The following CADM1 variants were observed in gnomAD, a reference collection of about 807,000 sequenced individuals.
CADM1 encodes the protein TSLC-1.
In CADM1, 15 loss-of-function variants were observed where a neutral mutation model predicts 53.1. The ratio of observed to expected loss-of-function variants is 0.28; its 90% CI spans 0.19 to 0.44. The LOEUF is 0.44. CADM1 is among the 20% of genes least tolerant of loss of function. The pLI is 1.00. For missense variants in CADM1, 434 were observed against 611.3 expected, an observed-to-expected ratio of 0.71 and a Z score of 3.06; for synonymous variants, 281 against 243.0, an observed-to-expected ratio of 1.16 and a Z score of -1.45.
chr11:115,448,032 C>G (rs746883631), intron 1 of CADM1, among the ~76,000 whole-genome samples: 1 of 152,126 alleles, frequency 6.6e-6, no homozygotes, highest in African/African-American at 2.4e-5. Flanking sequence ...TTACAGTTAA[C>G]GAGTCACAGT....
intron 10 of CADM1, among the ~76,000 whole-genome samples, chr11:115,189,516 A>T (rs1939739252): frequency 6.6e-6 from 1 of 151,512 alleles, no homozygotes; most frequent in African/African-American, 2.4e-5. Flanking sequence ...TATTACCAGA[A>T]ATGCAAGCAG....
intron 8 of CADM1, among the ~76,000 whole-genome samples, chr11:115,206,352 C>T (rs535140967): frequency 6.6e-6 from 1 of 152,328 alleles, no homozygotes; most frequent in South Asian, 2.1e-4. Context: ...TCCAGACCTG[C>T]TCCGTGTAGG....
chr11:115,359,799 G>A (rs917049426), intron 1 of CADM1, among the ~76,000 whole-genome samples: 1 of 152,110 alleles, frequency 6.6e-6, no homozygotes, highest in African/African-American at 2.4e-5. Flanking sequence ...GCTTTGTACT[G>A]TTCCAAATAC....
At chr11:115,233,575 T>C (rs905293335) in intron 3 of CADM1, among the ~76,000 whole-genome samples, 2 of 152,196 alleles carry the variant, frequency 1.3e-5, no homozygotes, top group East Asian at 1.9e-4. Context: ...AGGAATATTT[T>C]TTACATGCTA....
chr11:115,198,413 T>C lies in CADM1; in HGVS notation c.1104A>G (p.Ala368=). The change falls in exon 9 of 12, where the codon GCA becomes GCG. Residue 368 remains alanine, a synonymous_variant. Coordinates refer to ENST00000331581, the MANE Select transcript of CADM1 (RefSeq NM_001301043.2). The part of the protein sequence containing the change: ...ITDTTATTEP[A]VHGLTQLPNS... ...CAGTAATGTGATACCAACCGTGAAC[T>C]GCTGGTTCTGTCGTCGCCGTTGTGT... 6.3e-7 allele frequency: 1 copy of C among 1,594,968 alleles called. No individual in the cohort carries two copies. Among genetic ancestry groups the C allele is most frequent in the Non-Finnish European group, 8.5e-7 (1 of 1,178,120 alleles).
chr11:115,249,997 C>T (rs796145038), intron 1 of CADM1, among the ~76,000 whole-genome samples: 43 of 152,250 alleles, frequency 2.8e-4, no homozygotes, highest in African/African-American at 9.9e-4. Flanking sequence ...CTCCGCCTCC[C>T]GGGTTCACAC....
At chr11:115,315,616 C>T (rs1944644031) in intron 1 of CADM1, among the ~76,000 whole-genome samples, 1 of 151,608 alleles carries the variant, frequency 6.6e-6, no homozygotes, top group Non-Finnish European at 1.5e-5. Flanking sequence ...TTGACAGGTG[C>T]CTGTATCGTT....
At chr11:115,219,307 C>T (rs1201105715) in intron 5 of CADM1, among the ~76,000 whole-genome samples, 1 of 152,142 alleles carries the variant, frequency 6.6e-6, no homozygotes, top group African/African-American at 2.4e-5. Context: ...ACAAGGAAGT[C>T]CTCACTAGAG....
chr11:115,424,585 T>C (rs1961719), intron 1 of CADM1, among the ~76,000 whole-genome samples: 1 of 152,168 alleles, frequency 6.6e-6, no homozygotes, highest in African/African-American at 2.4e-5. Context: ...TGGAGTGCAG[T>C]GGCGAGATCT....
chr11:115,482,750 T>C (rs962007325), intron 1 of CADM1, among the ~76,000 whole-genome samples: 2 of 152,200 alleles, frequency 1.3e-5, no homozygotes, highest in African/African-American at 2.4e-5. Context: ...CTGGAAGATA[T>C]ACGCCAAGAA....
intron 1 of CADM1, among the ~76,000 whole-genome samples, chr11:115,458,535 A>C (rs1406455909): frequency 6.9e-6 from 1 of 145,028 alleles, no homozygotes; most frequent in African/African-American, 2.5e-5. Flanking sequence ...TTATTATTAC[A>C]TTATACCCTG....
rs771908435 is a variant in CADM1 at position 115,176,142 on chromosome 11, AAAAG to A, written c.*328_*331del. The A allele has an allele frequency of 7.7e-5, 89 of 1,157,618 alleles. No homozygotes were observed. In the Admixed American group the frequency reaches 1.3e-3, roughly 17 times the overall value. The allele number at this position is 1,157,618 out of a possible 1,614,324, so 71.7% of individuals were successfully genotyped here. On this transcript the variant is annotated 3_prime_UTR_variant, in exon 12 of 12. Coordinates refer to ENST00000331581, the MANE Select transcript of CADM1 (RefSeq NM_001301043.2). ...AGGAAATAAATGTGCACAAAGGGGG[AAAAG>A]AAAGGAACGCAACAAACAAACAAAA...
chr11:115,284,126 G>GTGTA (rs1406221617), intron 1 of CADM1, among the ~76,000 whole-genome samples: 1 of 42,414 alleles, frequency 2.4e-5, no homozygotes, highest in Non-Finnish European at 4.7e-5. Flanking sequence ...GTGTGTGTGT[G>GTGTA]TGTGTGTGTG....
In CADM1 at chr11:115,249,915, T is replaced by A. The variant is rs145686074; in HGVS notation, c.125-9495A>T. 6.9e-3 allele frequency among the ~76,000 whole-genome samples: 1,048 copies of A among 152,270 alleles called. 6 individuals are homozygous for A. Among genetic ancestry groups the A allele is most frequent in the African/African-American group, 0.024 (986 of 41,546 alleles). ...GTTCACAATACTTGCCATTACTAGT[T>A]ATTCTTTGAGACAGAGTCTCCCTCT... On this transcript the variant is annotated intron_variant, in intron 1 of 11. Coordinates refer to ENST00000331581, the MANE Select transcript of CADM1 (RefSeq NM_001301043.2).
At position 115,217,942 on chromosome 11, in the gene CADM1, G is replaced by A. The variant is rs377460211; in HGVS notation, c.771C>T (p.Thr257=). Residue 257 remains threonine (T), a synonymous_variant, in exon 6 of 12, where the codon ACC becomes ACT. Transcript: ENST00000331581. ...IQMTYPLQGL[T]REGDALELTC... is the part of the protein sequence containing the mutation. ...TTAACTCAAGCGCGTCCCCTTCCCG[G>A]GTTAAGCCTTGTAGAGGATAAGTCA... is the stretch of plus-strand genomic sequence containing the variant. The A allele has an allele frequency of 3.5e-4, 557 of 1,613,634 alleles. 6 individuals carry two copies. The South Asian group carries it at 4.4e-3, about 13-fold the overall frequency.
chr11:115,249,353 G>T (rs79007540), intron 1 of CADM1, among the ~76,000 whole-genome samples: 2,994 of 152,322 alleles, frequency 0.02, 42 homozygotes, highest in Non-Finnish European at 0.027. Flanking sequence ...TATTGAGAAG[G>T]AAACTCACAT....
intron 1 of CADM1, among the ~76,000 whole-genome samples, chr11:115,328,394 A>G (rs1357536643): frequency 6.6e-6 from 1 of 151,932 alleles, no homozygotes; most frequent in African/African-American, 2.4e-5. Flanking sequence ...TTATTTATAA[A>G]GTTATTGTTT....
intron 2 of CADM1, among the ~76,000 whole-genome samples, chr11:115,239,768 T>A (rs551821629): frequency 6.6e-6 from 1 of 151,910 alleles, no homozygotes; most frequent in African/African-American, 2.4e-5. Context: ...CTGACACTGA[T>A]ATGAACCATT....
At chr11:115,399,234 T>C (rs930170123) in intron 1 of CADM1, 1 of 152,184 alleles carries the variant, frequency 6.6e-6, no homozygotes, top group African/African-American at 2.4e-5. Flanking sequence ...CCAGTCTTCT[T>C]GAAAGTTGGA....
Sources: gnomAD v4.1 joint callset for allele counts (sites outside exome capture counted in the v4.1 genomes callset) on GRCh38, gnomAD v4.1.1 for gene constraint, MANE v1.5 for transcripts, NCBI Gene and HGNC (gene_info 2026-07-23, HGNC 2026-07-21) for gene names.